The following AXDND1 variants were observed in gnomAD, a reference collection of about 807,000 sequenced individuals.
The protein encoded by AXDND1 is axonemal dynein light chain domain containing 1.
A neutral mutation model predicts 137.5 loss-of-function variants in AXDND1; 110 were observed. That is an observed-to-expected ratio of 0.80 (90% CI 0.69 to 0.94). The LOEUF is 0.94. Among genes scored for constraint, AXDND1 ranks in the 40% least tolerant of loss-of-function variants. The pLI, the probability that AXDND1 is intolerant of heterozygous loss-of-function variation, is 0.00. For synonymous variants in AXDND1, 414 were observed against 399.7 expected (o/e 1.04, Z -0.43); for missense variants, 1,191 against 1,169.8 (o/e 1.02, Z -0.26).
chr1:179,466,396 A>T (rs1663204538), intron 16 of AXDND1, among the ~76,000 whole-genome samples: 1 of 147,020 alleles, frequency 6.8e-6, no homozygotes, highest in Non-Finnish European at 1.5e-5. Context: ...AAGTGCTGGG[A>T]TTATAGGCAT....
At chr1:179,395,320 C>T (rs754444177) in intron 11 of AXDND1, 118 bp downstream of exon 11, 5 of 709,766 alleles carry the variant, frequency 7.0e-6, no homozygotes, top group Non-Finnish European at 1.1e-5. Context: ...ATATAGATAG[C>T]TTACTTTATC....
chr1:179,508,415 T>C (rs1668729135), intron 20 of AXDND1, among the ~76,000 whole-genome samples: 1 of 152,032 alleles, frequency 6.6e-6, no homozygotes, highest in African/African-American at 2.4e-5. Flanking sequence ...GAGCCTACAG[T>C]GGGTCATTTC....
At chr1:179,472,640 T>G (rs944513141) in intron 17 of AXDND1, among the ~76,000 whole-genome samples, 2 of 152,320 alleles carry the variant, frequency 1.3e-5, no homozygotes, top group Admixed American at 1.3e-4. Flanking sequence ...TTCCCTTCCT[T>G]TCTCTTGATG....
intron 14 of AXDND1, among the ~76,000 whole-genome samples, chr1:179,430,827 C>T (rs1342017240): frequency 1.3e-5 from 2 of 152,204 alleles, no homozygotes; most frequent in Non-Finnish European, 2.9e-5. Context: ...TGCTCAACTG[C>T]TGCTGTCCCC....
intron 25 of AXDND1, among the ~76,000 whole-genome samples, chr1:179,549,689 G>A (rs912641573): frequency 3.9e-5 from 6 of 152,106 alleles, no homozygotes; most frequent in East Asian, 1.9e-4. Flanking sequence ...ATCAGGAACC[G>A]TCATATATGG....
intron 20 of AXDND1, among the ~76,000 whole-genome samples, chr1:179,500,846 A>AT (rs1667923793): frequency 6.6e-6 from 1 of 151,950 alleles, no homozygotes; most frequent in Non-Finnish European, 1.5e-5. Flanking sequence ...TAATTTTTGT[A>AT]TTTTTAGTAG....
In AXDND1 at chr1:179,525,414, A is replaced by G; in HGVS notation, c.2577A>G (p.Lys859=). 1 of 1,611,748 alleles carries G rather than the reference A, an allele frequency of 6.2e-7. No individual in the cohort carries two copies. The highest frequency in any genetic ancestry group is 8.5e-7 in the Non-Finnish European group (1 of 1,178,608). ...AAGAAGAAAGTAAGGAGGATAGGAAACTTCAGGAGGAAAATAAAGAGAGAG... is the reference window on the plus strand; with the variant it reads ...AAGAAGAAAGTAAGGAGGATAGGAAGCTTCAGGAGGAAAATAAAGAGAGAG... ...EDEEESKEDR[K]LQEENKERAE... is the part of the protein sequence containing the mutation. Residue 859 remains lysine, a synonymous_variant, in exon 22 of 26, where the codon AAA becomes AAG. Transcript: ENST00000367618.
chr1:179,491,209 G>A (rs1407459316), intron 18 of AXDND1, among the ~76,000 whole-genome samples: 6 of 152,240 alleles, frequency 3.9e-5, no homozygotes, highest in Admixed American at 3.9e-4. Context: ...TACTCAGGAG[G>A]TTAAGATGGA....
chr1:179,369,812 A>G (rs1451179441), intron 3 of AXDND1, among the ~76,000 whole-genome samples, 163 bp from the exon 4 acceptor site: 1 of 152,218 alleles, frequency 6.6e-6, no homozygotes, highest in Non-Finnish European at 1.5e-5. Context: ...GAATTATTCT[A>G]GTTTTAGTCT....
chr1:179,429,561 T>G lies in AXDND1; in HGVS notation c.1274T>G (p.Leu425Arg). Residue 425 changes from leucine to arginine, a missense_variant, in exon 13 of 26, where the codon CTT (leucine) becomes CGT (arginine). Physicochemically the swap from Leu to Arg is moderately radical, Grantham distance 102. Coordinates refer to ENST00000367618, the MANE Select transcript of AXDND1 (RefSeq NM_144696.6). ...GTCATATTGGCTAGAAGACTTTACC[T>G]TAATGAAAAAGGCTGGAATAAATAC... ...NRVILARRLY[L>R]NEKGWNKYTK... is the part of the protein sequence containing the mutation. 2 of 1,578,636 alleles carry G rather than the reference T, an allele frequency of 1.3e-6. No homozygotes were observed. Among genetic ancestry groups the G allele is most frequent in the Non-Finnish European group, 1.7e-6 (2 of 1,165,524 alleles).
chr1:179,413,509 T>C (rs922025442), intron 12 of AXDND1, among the ~76,000 whole-genome samples: 3 of 152,244 alleles, frequency 2.0e-5, no homozygotes, highest in Admixed American at 1.3e-4. Flanking sequence ...TTTGATTTTC[T>C]GTTTCTGAGT....
intron 17 of AXDND1, among the ~76,000 whole-genome samples, chr1:179,479,034 A>G (rs1664987282): frequency 6.6e-6 from 1 of 151,986 alleles, no homozygotes; most frequent in East Asian, 1.9e-4. Flanking sequence ...TGGGAGGTAG[A>G]GGCTGCAGTG....
chr1:179,411,325 G>C (rs1464617352), intron 12 of AXDND1, 59 bp downstream of exon 12: 1 of 1,543,000 alleles, frequency 6.5e-7, no homozygotes, highest in Non-Finnish European at 8.7e-7. Context: ...TCATTCTACA[G>C]TTTTAAAATT....
At chr1:179,451,023 T>A (rs1571887439) in intron 16 of AXDND1, 1 of 152,262 alleles carries the variant, frequency 6.6e-6, no homozygotes, top group East Asian at 1.9e-4. Context: ...TCTATAGTTA[T>A]AAGATATATT....
At position 179,366,479 on chromosome 1, in the gene AXDND1, A is replaced by G; in HGVS notation, c.-31A>G. On this transcript the variant is annotated 5_prime_UTR_variant, in exon 2 of 26. Transcript: ENST00000367618. ...TTAGCTTTCCGGAGGACTATTTCAAATTACTAAAGAGATAGGAGGCATTGT... is the reference window on the plus strand; with the variant it reads ...TTAGCTTTCCGGAGGACTATTTCAAGTTACTAAAGAGATAGGAGGCATTGT... 6.4e-7 allele frequency: 1 copy of G among 1,561,420 alleles called. No individual in the cohort carries two copies. The highest frequency in any genetic ancestry group is 8.8e-7 in the Non-Finnish European group (1 of 1,132,956).
intron 19 of AXDND1, 128 bp downstream of exon 19, chr1:179,491,865 AAC>A: frequency 1.2e-6 from 1 of 811,174 alleles, no homozygotes; most frequent in Non-Finnish European, 1.8e-6. Context: ...TCAGTTTTTC[AAC>A]TAGCTTTAAC....
intron 20 of AXDND1, among the ~76,000 whole-genome samples, chr1:179,501,354 T>A (rs1667980594): frequency 6.6e-6 from 1 of 152,062 alleles, no homozygotes; most frequent in Admixed American, 6.6e-5. Flanking sequence ...GAACCAAAAA[T>A]TTATGGCCTT....
intron 12 of AXDND1, among the ~76,000 whole-genome samples, chr1:179,420,069 C>T (rs767032816): frequency 7.2e-5 from 11 of 152,166 alleles, no homozygotes; most frequent in Non-Finnish European, 1.6e-4. Context: ...ACAATGTTAA[C>T]TGTGGGTTTG....
intron 19 of AXDND1, among the ~76,000 whole-genome samples, chr1:179,492,438 GAA>G (rs199959579): frequency 1.0e-5 from 1 of 98,182 alleles, no homozygotes; most frequent in Non-Finnish European, 2.2e-5. Flanking sequence ...CAAAATGGAA[GAA>G]AAAAAAAAAC....
Sources: gnomAD v4.1 joint callset for allele counts (sites outside exome capture counted in the v4.1 genomes callset) on GRCh38, gnomAD v4.1.1 for gene constraint, MANE v1.5 for transcripts, NCBI Gene and HGNC (gene_info 2026-07-23, HGNC 2026-07-21) for gene names.